The following WT1 variants were observed in gnomAD, a reference collection of about 807,000 sequenced individuals.
The protein encoded by WT1 is WT1 transcription factor.
Under a neutral mutation model 60.8 loss-of-function variants are expected in WT1, and 8 were observed. The observed-to-expected ratio is 0.13, with a 90% CI of 0.08 to 0.24. The LOEUF is 0.24. Among genes scored for constraint, WT1 ranks in the 10% least tolerant of loss-of-function variants. The probability of loss-of-function intolerance (pLI) is 1.00; values close to 1 mark genes in which losing one functional copy is unlikely to be tolerated. For missense variants in WT1, 568 were observed against 711.8 expected, an observed-to-expected ratio of 0.80 and a Z score of 2.30; for synonymous variants, 312 against 297.1, an observed-to-expected ratio of 1.05 and a Z score of -0.52.
At chr11:32,419,983 C>T (rs539055786) in intron 3 of WT1, among the ~76,000 whole-genome samples, 3 of 152,300 alleles carry the variant, frequency 2.0e-5, no homozygotes, top group South Asian at 4.1e-4. Flanking sequence ...CATGAGCCAC[C>T]GTGCCTGGCC....
Position 32,392,896 on chromosome 11 carries a change from A to C in WT1, c.1265-141T>G, listed in dbSNP as rs5030288. 2.3e-3 allele frequency: 1,627 copies of C among 716,248 alleles called. 19 individuals carry two copies. The African/African-American group carries it at 0.025, about 11-fold the overall frequency. 44.4% of individuals were successfully genotyped at this position (716,248 alleles called of 1,614,324 possible). Reference sequence around the variant, plus strand: ...AGCTTGTTAGGGTAGGATGATCCCCAACTTGCAAGTTACAAATGAATGGGA... The same window carrying C: ...AGCTTGTTAGGGTAGGATGATCCCCCACTTGCAAGTTACAAATGAATGGGA... On this transcript the variant is annotated intron_variant, in intron 7 of 9. Transcript: ENST00000452863.
rs2132913405 is a variant in WT1 at position 32,391,959 on chromosome 11, A to G, written c.1447+13T>C. 6.2e-7 allele frequency: 1 copy of G among 1,612,116 alleles called. No individual in the cohort carries two copies. Among genetic ancestry groups the G allele is most frequent in the Non-Finnish European group, 8.5e-7 (1 of 1,178,178 alleles). ...AAATAATGAAAAATAAATGTGAAGAAAAGTTTACGCACTTGTTTTACCTGT... is the reference window on the plus strand; with the variant it reads ...AAATAATGAAAAATAAATGTGAAGAGAAGTTTACGCACTTGTTTTACCTGT... On this transcript the variant is annotated intron_variant, in intron 9 of 9. Transcript: ENST00000452863.
intron 5 of WT1, among the ~76,000 whole-genome samples, chr11:32,408,773 G>C (rs1383510362): frequency 6.6e-6 from 1 of 151,982 alleles, no homozygotes; most frequent in Non-Finnish European, 1.5e-5. Flanking sequence ...AGGGAGGAGG[G>C]GGCTGTTATA....
rs1170110894 is a variant in WT1 at position 32,428,008 on chromosome 11, T to C, written c.835A>G (p.Thr279Ala). ...GCCTGGCTGCCGGTGCAGCTGTCGG[T>C]GGGGGTGTGGCAGCCATAGACCGGG... Residue 279 changes from threonine (T) to alanine (A), a missense_variant, in exon 3 of 10, where the codon ACC becomes GCC. Transcript: ENST00000452863. 1.2e-6 allele frequency: 2 copies of C among 1,610,584 alleles called. No individual in the cohort carries two copies. The highest frequency in any genetic ancestry group is 8.5e-7 in the Non-Finnish European group (1 of 1,178,614).
chr11:32,425,215 A>G (rs1314817466), intron 3 of WT1, among the ~76,000 whole-genome samples: 1 of 151,110 alleles, frequency 6.6e-6, no homozygotes, highest in African/African-American at 2.4e-5. Context: ...GGGAAGAAAA[A>G]GTTTGGTGAG....
intron 5 of WT1, among the ~76,000 whole-genome samples, chr11:32,411,574 C>T (rs1448338897): frequency 6.6e-6 from 1 of 152,076 alleles, no homozygotes. Flanking sequence ...TCCTTCTCTG[C>T]GTAGTTGTAT....
At chr11:32,416,444 C>T (rs2133031959) in intron 5 of WT1, 46 bp downstream of exon 5, 1 of 1,613,432 alleles carries the variant, frequency 6.2e-7, no homozygotes, top group Non-Finnish European at 8.5e-7. Flanking sequence ...TGCCAGTCAG[C>T]AAGGCCTACG....
chr11:32,417,775 G>T, intron 3 of WT1, 121 bp from the exon 4 acceptor site: 1 of 802,054 alleles, frequency 1.2e-6, no homozygotes, highest in Non-Finnish European at 2.1e-6. Flanking sequence ...TTTCCAGAAT[G>T]ACAGAATATG....
intron 1 of WT1, chr11:32,430,489 A>AGAGAGAGAGAGAGG (rs1411991576): frequency 1.3e-6 from 2 of 1,571,678 alleles, no homozygotes; most frequent in African/African-American, 1.4e-5. Context: ...AGAGAGAGAG[A>AGAGAGAGAGAGAGG]GACGAAATAG....
chr11:32,400,137 A>C, intron 5 of WT1, 93 bp from the exon 6 acceptor site: 1 of 1,474,744 alleles, frequency 6.8e-7, no homozygotes, highest in Admixed American at 1.9e-5. Context: ...GATGGTTTTT[A>C]AAGCTCACAG....
rs2132913499 is a variant in WT1, at chr11:32,391,969, C to T, written c.1447+3G>A. 1.2e-6 allele frequency: 2 copies of T among 1,613,600 alleles called. No individual in the cohort carries two copies. The highest frequency in any genetic ancestry group is 1.7e-6 in the Non-Finnish European group (2 of 1,179,552). Reference sequence around the variant, plus strand: ...AAATAAATGTGAAGAAAAGTTTACGCACTTGTTTTACCTGTATGAGTCCTG... The same window carrying T: ...AAATAAATGTGAAGAAAAGTTTACGTACTTGTTTTACCTGTATGAGTCCTG... On this transcript the variant is annotated splice_donor_region_variant and intron_variant, in intron 9 of 9. Coordinates refer to ENST00000452863, the MANE Select transcript of WT1 (RefSeq NM_024426.6).
intron 3 of WT1, among the ~76,000 whole-genome samples, chr11:32,424,240 C>T (rs1158176013): frequency 1.3e-5 from 2 of 151,270 alleles, no homozygotes; most frequent in East Asian, 3.9e-4. Flanking sequence ...GGTCTGGTGT[C>T]ACTCAGTGAT....
At chr11:32,416,353 G>A (rs1852667913) in intron 5 of WT1, 137 bp downstream of exon 5, 2 of 1,051,588 alleles carry the variant, frequency 1.9e-6, no homozygotes, top group Admixed American at 3.4e-5. Flanking sequence ...AAGAGGTGGG[G>A]GCGGGGGAGA....
At chr11:32,434,097 G>A (rs1391339218) in intron 1 of WT1, among the ~76,000 whole-genome samples, 1 of 152,240 alleles carries the variant, frequency 6.6e-6, no homozygotes, top group Non-Finnish European at 1.5e-5. Flanking sequence ...CGGACACGAC[G>A]CTGTTCCAGA....
intron 6 of WT1, among the ~76,000 whole-genome samples, chr11:32,399,156 CA>C (rs890562481): frequency 0.019 from 1,050 of 54,290 alleles, 7 homozygotes; most frequent in African/African-American, 0.057. Context: ...ACTCCCATCT[CA>C]AAAAAAAAAA....
intron 5 of WT1, among the ~76,000 whole-genome samples, chr11:32,405,346 G>A (rs1437244131): frequency 2.0e-5 from 3 of 151,902 alleles, no homozygotes; most frequent in Non-Finnish European, 2.9e-5. Context: ...AAGTTCTTGC[G>A]AATAATTGAA....
chr11:32,433,315 A>T (rs1853371195), intron 1 of WT1, among the ~76,000 whole-genome samples: 1 of 152,226 alleles, frequency 6.6e-6, no homozygotes, highest in South Asian at 2.1e-4. Flanking sequence ...CAGGACAGTG[A>T]TCCCAGATTC....
intron 5 of WT1, among the ~76,000 whole-genome samples, chr11:32,412,335 A>G (rs946032588): frequency 6.6e-6 from 1 of 152,102 alleles, no homozygotes; most frequent in Non-Finnish European, 1.5e-5. Flanking sequence ...GTGTGTTCCC[A>G]ACAGCCTGTG....
intron 4 of WT1, 117 bp downstream of exon 4, chr11:32,417,460 G>C: frequency 1.1e-6 from 1 of 930,060 alleles, no homozygotes; most frequent in Non-Finnish European, 1.7e-6. Context: ...TAATGTCACA[G>C]AGAGCTTTGC....
Sources: gnomAD v4.1 joint callset for allele counts (sites outside exome capture counted in the v4.1 genomes callset) on GRCh38, gnomAD v4.1.1 for gene constraint, MANE v1.5 for transcripts, NCBI Gene and HGNC (gene_info 2026-07-23, HGNC 2026-07-21) for gene names.